The following ZDHHC7 variants were observed in gnomAD, a reference collection of about 807,000 sequenced individuals.
ZDHHC7 encodes the protein zDHHC palmitoyltransferase 7, also known as palmitoyltransferase ZDHHC7.
A neutral mutation model predicts 34.1 loss-of-function variants in ZDHHC7; 12 were observed. The observed-to-expected ratio is 0.35, with a 90% CI of 0.23 to 0.57. ZDHHC7 has a LOEUF of 0.57. ZDHHC7 is among the 20% of genes least tolerant of loss of function. The pLI, the probability that ZDHHC7 is intolerant of heterozygous loss-of-function variation, is 0.84. For synonymous variants in ZDHHC7, 185 were observed against 155.4 expected (o/e 1.19, Z -1.42); for missense variants, 388 against 402.7 (o/e 0.96, Z 0.31).
chr16:85,009,260 C>T (rs2143760852), intron 1 of ZDHHC7, among the ~76,000 whole-genome samples: 1 of 152,114 alleles, frequency 6.6e-6, no homozygotes, highest in African/African-American at 2.4e-5. Flanking sequence ...GCATCCAAGC[C>T]AGCAGGTAAG....
intron 3 of ZDHHC7, among the ~76,000 whole-genome samples, 184 bp downstream of exon 3, chr16:84,990,120 G>A (rs1597544921): frequency 6.6e-6 from 1 of 152,178 alleles, no homozygotes; most frequent in African/African-American, 2.4e-5. Context: ...CACTGCGCTA[G>A]GTCTGGCCTA....
the ZDHHC7 span, among the ~76,000 whole-genome samples, chr16:85,023,816 C>T: frequency 6.6e-6 from 1 of 152,084 alleles, no homozygotes; most frequent in Non-Finnish European, 1.5e-5. Context: ...GACGGGGTTT[C>T]ACCATGTTGC....
chr16:85,007,585 A>G (rs1044197264), intron 1 of ZDHHC7, among the ~76,000 whole-genome samples: 1 of 151,984 alleles, frequency 6.6e-6, no homozygotes, highest in African/African-American at 2.4e-5. Flanking sequence ...CAGTCCCATA[A>G]CAAGCAGACC....
At chr16:84,997,406 C>T (rs1261080330) in intron 1 of ZDHHC7, among the ~76,000 whole-genome samples, 6 of 150,100 alleles carry the variant, frequency 4.0e-5, no homozygotes, top group Non-Finnish European at 7.4e-5. Context: ...GTAGCTGGGA[C>T]TACAGGCGCC....
chr16:84,994,027 A>C (rs1247292456), intron 2 of ZDHHC7, among the ~76,000 whole-genome samples: 1 of 152,186 alleles, frequency 6.6e-6, no homozygotes, highest in Non-Finnish European at 1.5e-5. Context: ...GGGGCTGAGA[A>C]AGTACCTGGA....
the ZDHHC7 span, among the ~76,000 whole-genome samples, chr16:85,025,103 C>T: frequency 6.6e-6 from 1 of 151,906 alleles, no homozygotes; most frequent in Non-Finnish European, 1.5e-5. Context: ...ATGGTGAAAC[C>T]CCCATCTCTA....
At chr16:85,012,281 G>C (rs919748077), upstream of ZDHHC7, among the ~76,000 whole-genome samples, 2 of 151,372 alleles carry the variant, frequency 1.3e-5, no homozygotes, top group African/African-American at 4.9e-5. Context: ...AGCTACTCGA[G>C]AGGCTGAGGC....
At chr16:85,026,331 C>T in the ZDHHC7 span, among the ~76,000 whole-genome samples, 4 of 152,214 alleles carry the variant, frequency 2.6e-5, no homozygotes, top group African/African-American at 9.6e-5. Flanking sequence ...AGACCAAAAG[C>T]GTACCCACTC....
chr16:85,002,155 G>C (rs911819903), intron 1 of ZDHHC7, among the ~76,000 whole-genome samples: 3 of 152,190 alleles, frequency 2.0e-5, no homozygotes, highest in Non-Finnish European at 1.5e-5. Flanking sequence ...ATATAAAGCA[G>C]TGGCTGAATA....
intron 1 of ZDHHC7, among the ~76,000 whole-genome samples, chr16:84,996,550 G>A (rs1300632677): frequency 6.6e-6 from 1 of 152,126 alleles, no homozygotes; most frequent in Non-Finnish European, 1.5e-5. Context: ...TGACAGATGG[G>A]AGGGTCGAGG....
chr16:84,994,952 G>C (rs1245530670), intron 2 of ZDHHC7, among the ~76,000 whole-genome samples: 1 of 152,198 alleles, frequency 6.6e-6, no homozygotes, highest in East Asian at 1.9e-4. Context: ...AATGCAACAG[G>C]AAGGGAGGGG....
chr16:84,986,953 C>T, intron 3 of ZDHHC7, among the ~76,000 whole-genome samples: 1 of 152,172 alleles, frequency 6.6e-6, no homozygotes, highest in East Asian at 1.9e-4. Context: ...GACACCTGAC[C>T]CTGCTGGGCC....
intron 1 of ZDHHC7, among the ~76,000 whole-genome samples, chr16:85,008,558 G>C (rs541562499): frequency 1.3e-5 from 2 of 151,488 alleles, no homozygotes; most frequent in Non-Finnish European, 2.9e-5. Context: ...GGGCAGTCCT[G>C]TGTGGACTGG....
intron 3 of ZDHHC7, chr16:84,988,721 C>A (rs767426621): frequency 6.5e-7 from 1 of 1,536,572 alleles, no homozygotes. Context: ...TGAGGACTCC[C>A]AGCCAGGCTG....
intron 3 of ZDHHC7, among the ~76,000 whole-genome samples, chr16:84,984,138 G>T (rs546165605): frequency 1.3e-5 from 2 of 151,434 alleles, no homozygotes; most frequent in African/African-American, 2.4e-5. Context: ...TCCTGCCTCA[G>T]CCTACCAAGT....
intron 1 of ZDHHC7, among the ~76,000 whole-genome samples, chr16:84,997,753 C>A (rs186704649): frequency 2.0e-5 from 3 of 148,094 alleles, no homozygotes; most frequent in Admixed American, 1.3e-4. Flanking sequence ...ATTAGCTAGG[C>A]GTGGTGGTGG....
chr16:85,001,170 T>C (rs1033159422), intron 1 of ZDHHC7, among the ~76,000 whole-genome samples: 1 of 152,020 alleles, frequency 6.6e-6, no homozygotes, highest in African/African-American at 2.4e-5. Flanking sequence ...GTAAACCAGA[T>C]GGTTTAAAAG....
chr16:84,998,006 A>G (rs920320895), intron 1 of ZDHHC7, among the ~76,000 whole-genome samples: 22 of 150,462 alleles, frequency 1.5e-4, no homozygotes, highest in Admixed American at 1.3e-3. Context: ...CGGGTCTGTA[A>G]TCCCAGTACT....
At position 84,978,106 on chromosome 16, in the gene ZDHHC7, C is replaced by A. The variant is rs139913056; in HGVS notation, c.538-101G>T. Reference sequence around the variant, plus strand: ...AGGCTGGAATGCAGCGGCGTAGTCTCAGCTCACTGCAACCTCCGCCTGCCA... The same window carrying A: ...AGGCTGGAATGCAGCGGCGTAGTCTAAGCTCACTGCAACCTCCGCCTGCCA... On this transcript the variant is annotated intron_variant, in intron 5 of 7. Transcript: ENST00000313732. 1,478 of 832,996 alleles carry A rather than the reference C, an allele frequency of 1.8e-3. 16 individuals carry two copies. In the African/African-American group the frequency reaches 0.023, roughly 13 times the overall value. 51.6% of individuals were successfully genotyped at this position (832,996 alleles called of 1,614,324 possible). A position where few individuals can be genotyped will look rare whatever the true frequency, so the allele number is the denominator to read the frequency against.
Sources: allele counts gnomAD v4.1 joint callset (sites outside exome capture counted in the v4.1 genomes callset), GRCh38; gene constraint gnomAD v4.1.1; transcripts MANE v1.5; gene names NCBI Gene and HGNC (gene_info 2026-07-23, HGNC 2026-07-21).